The following SNX21 variants were observed in gnomAD, a reference collection of about 807,000 sequenced individuals.
The protein encoded by SNX21 is sorting nexin-21.
Under a neutral mutation model 30.9 loss-of-function variants are expected in SNX21, and 36 were observed. That is an observed-to-expected ratio of 1.16 (90% CI 0.89 to 1.54). The LOEUF (loss-of-function observed/expected upper bound fraction) is 1.54. SNX21 is among the 40% of genes most tolerant of loss of function. The pLI, the probability that SNX21 is intolerant of heterozygous loss-of-function variation, is 0.00. For synonymous variants in SNX21, 218 were observed against 222.7 expected, an observed-to-expected ratio of 0.98 and a Z score of 0.19; for missense variants, 508 against 516.5, an observed-to-expected ratio of 0.98 and a Z score of 0.16.
chr20:45,840,597 G>A (rs370613507), intron 3 of SNX21, 42 bp from the exon 4 acceptor site: 33 of 1,614,054 alleles, frequency 2.0e-5, no homozygotes, highest in African/African-American at 9.3e-5. Context: ...GAACGGGCCC[G>A]TGGACAACTT....
Position 45,834,195 on chromosome 20 carries a change from C to T in SNX21, c.22-6C>T. On this transcript the variant is annotated splice_polypyrimidine_tract_variant and splice_region_variant and intron_variant, in intron 1 of 3. Coordinates refer to ENST00000491381, the MANE Select transcript of SNX21 (RefSeq NM_033421.4). The stretch of plus-strand genomic sequence containing the variant: ...TCCGGTACACAGCGTCGCGCGCTCC[C>T]CCCAGGGTGCCATGGCCTCCCGGCT... 1.3e-6 allele frequency: 2 copies of T among 1,508,642 alleles called. No individual in the cohort carries two copies. Among genetic ancestry groups the T allele is most frequent in the East Asian group, 2.3e-5 (1 of 43,002 alleles). The allele number at this position is 1,508,642 out of a possible 1,614,324, so 93.5% of individuals were successfully genotyped here.
intron 3 of SNX21, among the ~76,000 whole-genome samples, chr20:45,839,313 A>G (rs1019633817): frequency 6.6e-6 from 1 of 152,124 alleles, no homozygotes; most frequent in Non-Finnish European, 1.5e-5. Context: ...CAGGAGATCG[A>G]GACCATCCTG....
chr20:45,834,369 A>C lies in SNX21; in HGVS notation c.190A>C (p.Thr64Pro). 6.2e-7 allele frequency: 1 copy of C among 1,603,418 alleles called. No individual in the cohort carries two copies. Among genetic ancestry groups the C allele is most frequent in the Non-Finnish European group, 8.5e-7 (1 of 1,177,922 alleles). ...CCGACTCAGCGGCACCCTCAGCTTC[A>C]CCAGCGCCGAGGACGACGAGGACGA... ...SSRLSGTLSFTSAEDDEDDED... is the reference protein window; with the variant it reads ...SSRLSGTLSFPSAEDDEDDED... The change falls in exon 2 of 4, where the codon ACC becomes CCC. Residue 64 changes from threonine to proline, a missense_variant. Coordinates refer to ENST00000491381, the MANE Select transcript of SNX21 (RefSeq NM_033421.4).
chr20:45,836,864 T>C (rs1221863761), intron 3 of SNX21, among the ~76,000 whole-genome samples: 3 of 152,122 alleles, frequency 2.0e-5, no homozygotes, highest in African/African-American at 4.8e-5. Flanking sequence ...CTGTGTACAA[T>C]GGGGACCCTA....
intron 2 of SNX21, chr20:45,834,677 C>A: frequency 1.4e-6 from 1 of 694,640 alleles, no homozygotes; most frequent in Non-Finnish European, 2.3e-6. Context: ...TGGGAGAACT[C>A]ACTCTCATCT....
chr20:45,834,457 GA>G lies in SNX21; in HGVS notation c.279del (p.Glu94LysfsTer42). On this transcript the variant is annotated frameshift_variant, in exon 2 of 4. Coordinates refer to ENST00000491381, the MANE Select transcript of SNX21 (RefSeq NM_033421.4). LOFTEE classifies it high-confidence loss of function. ...DQLPLGDGTS[G>X]EDAERSPPPD... Reference sequence around the variant, plus strand: ...CTGCCCCTCGGGGATGGGACGTCAGGAGAAGACGCAGGCGAGTGCAGGAGGA... The same window carrying G: ...CTGCCCCTCGGGGATGGGACGTCAGGGAAGACGCAGGCGAGTGCAGGAGGA... 1 of 1,604,094 alleles carries G rather than the reference GA, an allele frequency of 6.2e-7. No homozygotes were observed. The highest frequency in any genetic ancestry group is 1.1e-5 in the South Asian group (1 of 90,784).
In SNX21 at chr20:45,835,101, G is replaced by A. The variant is rs372675772; in HGVS notation, c.432G>A (p.Pro144=). The part of the protein sequence containing the change: ...EVTSANVVKD[P]PSKYVLYTLA... Reference sequence around the variant, plus strand: ...CCAGCGCTAACGTTGTCAAGGACCCGCCCTCCAAGTACGTGGTGAGTGAGG... The same window carrying A: ...CCAGCGCTAACGTTGTCAAGGACCCACCCTCCAAGTACGTGGTGAGTGAGG... Residue 144 remains proline (P), a synonymous_variant, in exon 3 of 4, where the codon CCG becomes CCA. Coordinates refer to ENST00000491381, the MANE Select transcript of SNX21 (RefSeq NM_033421.4). The A allele has an allele frequency of 6.2e-6, 10 of 1,613,112 alleles. No individual in the cohort carries two copies. The highest frequency in any genetic ancestry group is 1.3e-5 in the African/African-American group (1 of 74,918).
At chr20:45,835,377 TC>T (rs1983444521) in intron 3 of SNX21, among the ~76,000 whole-genome samples, 1 of 152,148 alleles carries the variant, frequency 6.6e-6, no homozygotes, top group Non-Finnish European at 1.5e-5. Context: ...TGTGTGCACT[TC>T]CCCACCCAGC....
intron 3 of SNX21, chr20:45,840,106 G>C: frequency 1.0e-6 from 1 of 982,482 alleles, no homozygotes; most frequent in Non-Finnish European, 1.2e-6. Context: ...CAGAGAAGGA[G>C]TAGCTGACCT....
rs145548006 is a variant in SNX21 at position 45,842,767 on chromosome 20, T to C, written c.*1454T>C. On this transcript the variant is annotated 3_prime_UTR_variant, in exon 4 of 4. Transcript: ENST00000491381. Reference sequence around the variant, plus strand: ...TTTGGCCCCATGATGAAGCCAAATCTGAACCCATGTCCTCACTTCAAGGTT... The same window carrying C: ...TTTGGCCCCATGATGAAGCCAAATCCGAACCCATGTCCTCACTTCAAGGTT... 457 of 989,884 alleles carry C rather than the reference T, an allele frequency of 4.6e-4. No homozygotes were observed. In the African/African-American group the frequency reaches 6.6e-3, roughly 14 times the overall value. The allele number at this position is 989,884 out of a possible 1,614,324, so 61.3% of individuals were successfully genotyped here. A position where few individuals can be genotyped will look rare whatever the true frequency, so the allele number is the denominator to read the frequency against.
rs1029660651 is a variant in SNX21 at position 45,841,495 on chromosome 20, G to A, written c.*182G>A. The A allele has an allele frequency of 8.3e-5, 116 of 1,389,552 alleles. No homozygotes were observed. Among genetic ancestry groups the A allele is most frequent in the Non-Finnish European group, 1.0e-4 (113 of 1,079,108 alleles). 86.1% of individuals were successfully genotyped at this position (1,389,552 alleles called of 1,614,324 possible). On this transcript the variant is annotated 3_prime_UTR_variant, in exon 4 of 4. Coordinates refer to ENST00000491381, the MANE Select transcript of SNX21 (RefSeq NM_033421.4). ...TTGAGCTAGGCTCAGGGTGAGCTTT[G>A]GCTGGGGTTGCCCTTGTGTAGTACA... is the stretch of plus-strand genomic sequence containing the variant.
At position 45,843,229 on chromosome 20, in the gene SNX21, G is replaced by A; in HGVS notation, c.*1916G>A. Reference sequence around the variant, plus strand: ...GTTTAGATGAGGAAACTGAGGTTCAGATGGAAGATATGATTTGCCTATTGT... The same window carrying A: ...GTTTAGATGAGGAAACTGAGGTTCAAATGGAAGATATGATTTGCCTATTGT... On this transcript the variant is annotated 3_prime_UTR_variant, in exon 4 of 4. Transcript: ENST00000491381. 3.7e-6 allele frequency: 2 copies of A among 537,854 alleles called. No homozygotes were observed. The highest frequency in any genetic ancestry group is 3.4e-5 in the South Asian group (2 of 59,438). The allele number at this position is 537,854 out of a possible 1,614,324, so 33.3% of individuals were successfully genotyped here. A position where few individuals can be genotyped will look rare whatever the true frequency, so the allele number is the denominator to read the frequency against.
chr20:45,834,152 G>A (rs372296189), intron 1 of SNX21, 49 bp from the exon 2 acceptor site: 3 of 1,442,092 alleles, frequency 2.1e-6, no homozygotes, highest in African/African-American at 1.5e-5. Context: ...GCCGGGCTGG[G>A]GTACCCCTCC....
In SNX21 at chr20:45,841,864, G is replaced by A; in HGVS notation, c.*551G>A. The A allele has an allele frequency of 6.2e-7, 1 of 1,607,240 alleles. No individual in the cohort carries two copies. The highest frequency in any genetic ancestry group is 8.5e-7 in the Non-Finnish European group (1 of 1,178,018). On this transcript the variant is annotated 3_prime_UTR_variant, in exon 4 of 4. Transcript: ENST00000491381. ...TACAGCTTGCTCTCTGAGACCTGGG[G>A]CTTCACTCGGATCACGCCCTCCTGG...
chr20:45,841,795 G>A lies in SNX21; in HGVS notation c.*482G>A, dbSNP rs1984152623. 3 of 1,550,460 alleles carry A rather than the reference G, an allele frequency of 1.9e-6. No homozygotes were observed. Among genetic ancestry groups the A allele is most frequent in the Non-Finnish European group, 2.6e-6 (3 of 1,154,422 alleles). On this transcript the variant is annotated 3_prime_UTR_variant, in exon 4 of 4. Coordinates refer to ENST00000491381, the MANE Select transcript of SNX21 (RefSeq NM_033421.4). ...AACTCCTGTCTCAGGAATGGGGATA[G>A]ATGGGAGGTTCTTGAAGCCCCAGGC...
chr20:45,836,998 C>G (rs1983603089), intron 3 of SNX21, among the ~76,000 whole-genome samples: 1 of 152,172 alleles, frequency 6.6e-6, no homozygotes, highest in Non-Finnish European at 1.5e-5. Context: ...GCCCTTTTCC[C>G]CCTCTTTGAG....
chr20:45,835,165 A>C (rs1983427802), intron 3 of SNX21, 49 bp downstream of exon 3: 1 of 1,549,752 alleles, frequency 6.5e-7, no homozygotes, highest in Non-Finnish European at 8.7e-7. Flanking sequence ...AAGTATGGCT[A>C]GGAGCAAGTA....
intron 3 of SNX21, chr20:45,840,070 A>C: frequency 1.2e-6 from 1 of 868,858 alleles, no homozygotes; most frequent in East Asian, 1.2e-4. Flanking sequence ...GTGGACCCAG[A>C]GGGGGACTCC....
rs201182326 is a variant in SNX21 at position 45,834,918 on chromosome 20, T to C, written c.290-41T>C. On this transcript the variant is annotated intron_variant, in intron 2 of 3. Transcript: ENST00000491381. ...CCACGTCAGTGGTTGATGTCGACCCTGGCCCTAGGCCCATTGATATGACTG... is the reference window on the plus strand; with the variant it reads ...CCACGTCAGTGGTTGATGTCGACCCCGGCCCTAGGCCCATTGATATGACTG... The C allele has an allele frequency of 2.5e-6, 4 of 1,594,276 alleles. No individual in the cohort carries two copies. The African/African-American group carries it at 4.0e-5, about 16-fold the overall frequency.
Sources: gnomAD v4.1 joint callset for allele counts (sites outside exome capture counted in the v4.1 genomes callset) on GRCh38, gnomAD v4.1.1 for gene constraint, MANE v1.5 for transcripts, NCBI Gene and HGNC (gene_info 2026-07-23, HGNC 2026-07-21) for gene names.